PCCA: variants seen among roughly 807,000 people sequenced by gnomAD.
PCCA encodes the protein propionyl-CoA carboxylase alpha chain, mitochondrial.
Under a neutral mutation model 101.3 loss-of-function variants are expected in PCCA, and 74 were observed. That is an observed-to-expected ratio of 0.73 (90% CI 0.61 to 0.89). The LOEUF is 0.89. Among genes scored for constraint, PCCA ranks in the 40% least tolerant of loss-of-function variants. The pLI is 0.00. For synonymous variants in PCCA, 294 were observed against 313.6 expected, an observed-to-expected ratio of 0.94 and a Z score of 0.66; for missense variants, 891 against 907.0, an observed-to-expected ratio of 0.98 and a Z score of 0.23.
intron 19 of PCCA, among the ~76,000 whole-genome samples, chr13:100,412,830 A>G (rs1283279): frequency 0.041 from 6,247 of 152,272 alleles, 403 homozygotes; most frequent in African/African-American, 0.14. Context: ...CCATGATAGC[A>G]AACAAATGAA....
chr13:100,317,618 ACT>A (rs1304304674), intron 16 of PCCA, among the ~76,000 whole-genome samples: 1 of 151,800 alleles, frequency 6.6e-6, no homozygotes. Flanking sequence ...ACAGGGTCTC[ACT>A]CTGTCACTTA....
chr13:100,123,804 G>A (rs1234748232), intron 4 of PCCA, among the ~76,000 whole-genome samples: 1 of 152,156 alleles, frequency 6.6e-6, no homozygotes, highest in Non-Finnish European at 1.5e-5. Flanking sequence ...GATGATGTGG[G>A]AGGATTTTTG....
At chr13:100,382,970 C>T (rs2076312247) in intron 19 of PCCA, among the ~76,000 whole-genome samples, 1 of 151,964 alleles carries the variant, frequency 6.6e-6, no homozygotes, top group African/African-American at 2.4e-5. Context: ...GAAAGAAGTT[C>T]CTCTTGGGGG....
chr13:100,503,922 G>C (rs2085875856), intron 21 of PCCA, among the ~76,000 whole-genome samples: 1 of 152,136 alleles, frequency 6.6e-6, no homozygotes, highest in South Asian at 2.1e-4. Flanking sequence ...GCAGTCTTCA[G>C]TGTTTCATTT....
chr13:100,372,572 A>G (rs1270133323), intron 19 of PCCA, among the ~76,000 whole-genome samples: 1 of 152,158 alleles, frequency 6.6e-6, no homozygotes, highest in Non-Finnish European at 1.5e-5. Context: ...TCTAAACACT[A>G]TAAATATATA....
At chr13:100,324,298 A>G (rs2068400080) in intron 16 of PCCA, among the ~76,000 whole-genome samples, 1 of 152,150 alleles carries the variant, frequency 6.6e-6, no homozygotes, top group East Asian at 1.9e-4. Flanking sequence ...AACTCTCCCA[A>G]TACTATTAGT....
chr13:100,299,854 A>G (rs1190131869), intron 12 of PCCA, among the ~76,000 whole-genome samples: 1 of 152,192 alleles, frequency 6.6e-6, no homozygotes, highest in Non-Finnish European at 1.5e-5. Flanking sequence ...CTGGGACTAC[A>G]GGCATGTGCC....
chr13:100,418,562 T>C (rs977012538), intron 19 of PCCA, among the ~76,000 whole-genome samples: 4 of 152,122 alleles, frequency 2.6e-5, no homozygotes, highest in African/African-American at 9.7e-5. Flanking sequence ...CTTTCAAAAA[T>C]GGACAGTGTG....
At chr13:100,152,389 T>G (rs2053438741) in intron 4 of PCCA, among the ~76,000 whole-genome samples, 2 of 151,888 alleles carry the variant, frequency 1.3e-5, no homozygotes, top group African/African-American at 2.4e-5. Context: ...TGGAACAATC[T>G]TAATCACCCA....
At chr13:100,201,574 T>A (rs1450423571) in intron 6 of PCCA, among the ~76,000 whole-genome samples, 1 of 151,940 alleles carries the variant, frequency 6.6e-6, no homozygotes, top group Non-Finnish European at 1.5e-5. Context: ...AAACAGGCAG[T>A]GAGGCTAGGT....
At chr13:100,117,898 T>C (rs1279521231) in intron 4 of PCCA, among the ~76,000 whole-genome samples, 2 of 151,728 alleles carry the variant, frequency 1.3e-5, no homozygotes, top group African/African-American at 2.4e-5. Context: ...GGGCAGATCA[T>C]GAGGGCAGGA....
At chr13:100,330,763 C>G in intron 17 of PCCA, 92 bp downstream of exon 17, 1 of 777,014 alleles carries the variant, frequency 1.3e-6, no homozygotes, top group East Asian at 2.7e-5. Flanking sequence ...GAAATTAAGG[C>G]CTTTTGGCTT....
At chr13:100,450,567 A>G (rs1223416167) in intron 21 of PCCA, among the ~76,000 whole-genome samples, 1 of 152,098 alleles carries the variant, frequency 6.6e-6, no homozygotes, top group Non-Finnish European at 1.5e-5. Context: ...ATTTCAGATA[A>G]CTCTGGAGTT....
intron 6 of PCCA, among the ~76,000 whole-genome samples, chr13:100,169,615 T>C (rs980548198): frequency 6.6e-6 from 1 of 151,770 alleles, no homozygotes; most frequent in African/African-American, 2.4e-5. Flanking sequence ...GCAATCTCCG[T>C]CTCCCAGGTT....
chr13:100,499,729 C>T (rs144504621), intron 21 of PCCA, among the ~76,000 whole-genome samples: 108 of 152,362 alleles, frequency 7.1e-4, no homozygotes, highest in African/African-American at 2.6e-3. Context: ...ACCTACGCCT[C>T]AGTGAACTTT....
intron 6 of PCCA, among the ~76,000 whole-genome samples, chr13:100,205,536 A>G (rs1362389034): frequency 3.3e-5 from 2 of 59,768 alleles, no homozygotes; most frequent in African/African-American, 7.6e-5. Context: ...ACTTGATATA[A>G]GCTTTTTTTT....
chr13:100,108,639 G>C (rs1198965006), intron 2 of PCCA, among the ~76,000 whole-genome samples: 2 of 152,138 alleles, frequency 1.3e-5, no homozygotes, highest in African/African-American at 4.8e-5. Context: ...AGCCTTATTA[G>C]AGCATTTAAC....
At chr13:100,242,466 T>C (rs1051629514) in intron 8 of PCCA, among the ~76,000 whole-genome samples, 2 of 152,128 alleles carry the variant, frequency 1.3e-5, no homozygotes, top group Admixed American at 1.3e-4. Flanking sequence ...TAGCACACTA[T>C]AAGTAATGGA....
chr13:100,190,221 C>T (rs1004671233), intron 6 of PCCA, among the ~76,000 whole-genome samples: 5 of 151,986 alleles, frequency 3.3e-5, no homozygotes, highest in African/African-American at 9.7e-5. Flanking sequence ...GCTGTTATTG[C>T]GTTATATTGA....
Sources: gnomAD v4.1 joint callset for allele counts (sites outside exome capture counted in the v4.1 genomes callset) on GRCh38, gnomAD v4.1.1 for gene constraint, MANE v1.5 for transcripts, NCBI Gene and HGNC (gene_info 2026-07-23, HGNC 2026-07-21) for gene names.